The following COL28A1 variants were observed in gnomAD, a reference collection of about 807,000 sequenced individuals.
COL28A1 encodes collagen type XXVIII alpha 1 chain.
Under a neutral mutation model 150.2 loss-of-function variants are expected in COL28A1, and 161 were observed. The ratio of observed to expected loss-of-function variants is 1.07; its 90% CI spans 0.94 to 1.22. COL28A1 has a LOEUF of 1.22. Among genes scored for constraint, COL28A1 ranks in the 50% most tolerant of loss-of-function variants. COL28A1 has a pLI of 0.00. For missense variants in COL28A1, 1,617 were observed against 1,388.3 expected, an observed-to-expected ratio of 1.16 and a Z score of -2.62; for synonymous variants, 552 against 469.7, an observed-to-expected ratio of 1.18 and a Z score of -2.26.
chr7:7,386,913 C>G (rs986268872), intron 27 of COL28A1, among the ~76,000 whole-genome samples: 2 of 152,166 alleles, frequency 1.3e-5, no homozygotes, highest in Non-Finnish European at 2.9e-5. Flanking sequence ...AAGGAATTGG[C>G]AAATTCAGTG....
chr7:7,518,295 T>C (rs1244708331), intron 6 of COL28A1, among the ~76,000 whole-genome samples: 1 of 152,144 alleles, frequency 6.6e-6, no homozygotes, highest in East Asian at 1.9e-4. Flanking sequence ...CTTACATTTA[T>C]AATGGGTATT....
At chr7:7,370,624 C>G in intron 33 of COL28A1, 101 bp downstream of exon 33, 9 of 888,156 alleles carry the variant, frequency 1.0e-5, no homozygotes, top group Non-Finnish European at 1.5e-5. Flanking sequence ...AATACACGTG[C>G]CTCAGCTGAT....
intron 25 of COL28A1, among the ~76,000 whole-genome samples, chr7:7,430,525 A>T (rs1784902945): frequency 6.6e-6 from 1 of 152,154 alleles, no homozygotes; most frequent in Admixed American, 6.5e-5. Context: ...ATATAACATC[A>T]TGTCTAGTTA....
intron 27 of COL28A1, among the ~76,000 whole-genome samples, chr7:7,400,166 C>A (rs572121652): frequency 6.6e-6 from 1 of 152,290 alleles, no homozygotes; most frequent in Admixed American, 6.5e-5. Context: ...TAAACAGTGG[C>A]CCCTAGATAT....
At chr7:7,542,594 T>C in the COL28A1 span, among the ~76,000 whole-genome samples, 1 of 152,208 alleles carries the variant, frequency 6.6e-6, no homozygotes, top group Admixed American at 6.5e-5. Flanking sequence ...CAGACTGTGA[T>C]ATGGAAGTTG....
chr7:7,371,744 T>A (rs1199092274), intron 32 of COL28A1, among the ~76,000 whole-genome samples: 1 of 152,226 alleles, frequency 6.6e-6, no homozygotes, highest in Non-Finnish European at 1.5e-5. Flanking sequence ...CTAGGATGGC[T>A]CATTAGTAAA....
At chr7:7,397,911 G>C (rs1229355285) in intron 27 of COL28A1, among the ~76,000 whole-genome samples, 1 of 152,132 alleles carries the variant, frequency 6.6e-6, no homozygotes, top group African/African-American at 2.4e-5. Flanking sequence ...TTCACCTGAC[G>C]TAACTAAAAG....
At chr7:7,433,573 G>A (rs1227089464) in intron 23 of COL28A1, among the ~76,000 whole-genome samples, 1 of 150,672 alleles carries the variant, frequency 6.6e-6, no homozygotes, top group Non-Finnish European at 1.5e-5. Flanking sequence ...AGCTGAGGCT[G>A]CAGTGAGAAG....
downstream of COL28A1, among the ~76,000 whole-genome samples, chr7:7,351,746 CATGT>C (rs1212444918): frequency 3.3e-5 from 5 of 151,826 alleles, no homozygotes; most frequent in African/African-American, 4.8e-5. Flanking sequence ...AACAAAATGT[CATGT>C]GTGTGTGTAT....
At chr7:7,396,870 G>T (rs1001127235) in intron 27 of COL28A1, among the ~76,000 whole-genome samples, 8 of 152,158 alleles carry the variant, frequency 5.3e-5, no homozygotes, top group African/African-American at 1.9e-4. Flanking sequence ...CCTAAAAACA[G>T]TTTAAAACCT....
intron 27 of COL28A1, among the ~76,000 whole-genome samples, chr7:7,397,526 G>C (rs1030004774): frequency 6.6e-6 from 1 of 152,080 alleles, no homozygotes; most frequent in Non-Finnish European, 1.5e-5. Context: ...TAATTATATT[G>C]TCTGTAATTT....
At chr7:7,516,332 C>A (rs1781414098) in intron 7 of COL28A1, among the ~76,000 whole-genome samples, 1 of 152,170 alleles carries the variant, frequency 6.6e-6, no homozygotes, top group Non-Finnish European at 1.5e-5. Flanking sequence ...CAAATTCGGT[C>A]TAAGATATAT....
intron 27 of COL28A1, among the ~76,000 whole-genome samples, chr7:7,384,115 C>A (rs1034944285): frequency 3.3e-5 from 5 of 152,146 alleles, no homozygotes; most frequent in Non-Finnish European, 5.9e-5. Flanking sequence ...CAGTTCAACA[C>A]CAGAGGACTT....
rs200572587 is a variant in COL28A1 at position 7,373,212 on chromosome 7, C to G, written c.2694G>C (p.Val898=). The G allele has an allele frequency of 3.3e-5, 54 of 1,614,086 alleles. No homozygotes were observed. In the East Asian group the frequency reaches 1.2e-3, roughly 35 times the overall value. The change falls in exon 32 of 35, where the codon GTG becomes GTC. Residue 898 remains valine (V), a synonymous_variant. Transcript: ENST00000399429. The surrounding 1 kb of genome is among the most constrained non-coding windows in gnomAD (Gnocchi z 4.1). ...FEDARPGVKK[V]ALVITDGQTD... ...TCTGTCCATCAGTGATGACCAAGGC[C>G]ACTTTTTTTACACCTGGCCTTGCAT...
chr7:7,455,659 T>C (rs1370399201), intron 16 of COL28A1, among the ~76,000 whole-genome samples: 1 of 152,180 alleles, frequency 6.6e-6, no homozygotes, highest in East Asian at 1.9e-4. Flanking sequence ...GATACCACTC[T>C]ACTCCATTGG....
Position 7,524,237 on chromosome 7 carries a change from C to CA in COL28A1, c.693dup (p.Glu232Ter). 1 of 1,354,620 alleles carries CA rather than the reference C, an allele frequency of 7.4e-7. No homozygotes were observed. Among genetic ancestry groups the CA allele is most frequent in the Non-Finnish European group, 1.1e-6 (1 of 943,644 alleles). The allele number at this position is 1,354,620 out of a possible 1,614,324, so 83.9% of individuals were successfully genotyped here. A position where few individuals can be genotyped will look rare whatever the true frequency, so the allele number is the denominator to read the frequency against. The stretch of plus-strand genomic sequence containing the variant: ...AAGCATGTGGTGCTTACCTTCTTTT[C>CA]AAATAAGATATCCTACAAGGGAAAA... On this transcript the variant is annotated frameshift_variant, in exon 4 of 35. Coordinates refer to ENST00000399429, the MANE Select transcript of COL28A1 (RefSeq NM_001037763.3). LOFTEE classifies it high-confidence loss of function.
intron 19 of COL28A1, among the ~76,000 whole-genome samples, chr7:7,444,212 C>G (rs1786061408): frequency 6.6e-6 from 1 of 152,006 alleles, no homozygotes; most frequent in African/African-American, 2.4e-5. Context: ...AGACAGAAGG[C>G]AGAGGATGTG....
chr7:7,528,824 C>G (rs184016733), intron 3 of COL28A1, among the ~76,000 whole-genome samples: 184 of 152,058 alleles, frequency 1.2e-3, no homozygotes, highest in East Asian at 5.6e-3. Context: ...TAGGTGTGTA[C>G]CTATGTCAAA....
chr7:7,518,266 C>T (rs1781527202), intron 6 of COL28A1, among the ~76,000 whole-genome samples: 1 of 151,812 alleles, frequency 6.6e-6, no homozygotes, highest in African/African-American at 2.4e-5. Flanking sequence ...AATTACAAAC[C>T]AAAGAAATAA....
Sources: allele counts gnomAD v4.1 joint callset (sites outside exome capture counted in the v4.1 genomes callset), GRCh38; gene constraint gnomAD v4.1.1; non-coding constraint Gnocchi (gnomAD v3.1); transcripts MANE v1.5; gene names NCBI Gene and HGNC (gene_info 2026-07-23, HGNC 2026-07-21).